Variants in CDH12 observed in about 807,000 individuals in gnomAD.
CDH12 encodes the protein cadherin 12.
CDH12 carries 41 observed loss-of-function variants against 74.1 expected under a neutral mutation model. The ratio of observed to expected loss-of-function variants is 0.55; its 90% CI spans 0.43 to 0.72. The LOEUF is 0.72. Among genes scored for constraint, CDH12 ranks in the 30% least tolerant of loss-of-function variants. The probability of loss-of-function intolerance (pLI) is 0.00; values close to 1 mark genes in which losing one functional copy is unlikely to be tolerated. For synonymous variants in CDH12, 399 were observed against 355.0 expected (o/e 1.12, Z -1.39); for missense variants, 945 against 977.2 (o/e 0.97, Z 0.44).
intron 1 of CDH12, among the ~76,000 whole-genome samples, chr5:22,800,419 C>T (rs1255414556): frequency 1.3e-5 from 2 of 152,072 alleles, no homozygotes; most frequent in African/African-American, 4.8e-5. Context: ...TTTAGGTTCA[C>T]AGCAAAATTG....
chr5:22,163,607 T>G (rs1270445906), intron 4 of CDH12, among the ~76,000 whole-genome samples: 1 of 152,198 alleles, frequency 6.6e-6, no homozygotes, highest in East Asian at 1.9e-4. Context: ...ATTCATAATT[T>G]GAACATTTTC....
At chr5:22,382,001 A>T (rs1173790168) in intron 3 of CDH12, among the ~76,000 whole-genome samples, 1 of 148,780 alleles carries the variant, frequency 6.7e-6, no homozygotes, top group Non-Finnish European at 1.5e-5. Context: ...TTTGAGATTG[A>T]GTCCCTTTAT....
intron 6 of CDH12, among the ~76,000 whole-genome samples, chr5:21,949,382 G>A (rs1340158416): frequency 4.6e-5 from 7 of 150,744 alleles, no homozygotes; most frequent in Admixed American, 2.0e-4. Flanking sequence ...CCCAGGAGGC[G>A]GAGCTTGCAG....
At chr5:22,669,281 G>C (rs1740783494) in intron 1 of CDH12, among the ~76,000 whole-genome samples, 1 of 152,124 alleles carries the variant, frequency 6.6e-6, no homozygotes. Flanking sequence ...TTTCTCATTT[G>C]AAGCTGAAGG....
chr5:22,467,763 C>G (rs565008096), intron 2 of CDH12, among the ~76,000 whole-genome samples: 1 of 152,150 alleles, frequency 6.6e-6, no homozygotes, highest in East Asian at 1.9e-4. Context: ...TCTGTGTAAC[C>G]AGTTTCACCC....
Position 22,387,476 on chromosome 5 carries a change from A to C in CDH12, c.-333+17781T>G, listed in dbSNP as rs545155759. ...ACCTGTCCCTATCCACCTTTGTTAGAGTGGCTTTGACTGAAAACAGGTCAC... is the reference window on the plus strand; with the variant it reads ...ACCTGTCCCTATCCACCTTTGTTAGCGTGGCTTTGACTGAAAACAGGTCAC... On this transcript the variant is annotated intron_variant, in intron 3 of 14. Coordinates refer to ENST00000382254, the MANE Select transcript of CDH12 (RefSeq NM_004061.5). 2.6e-5 allele frequency among the ~76,000 whole-genome samples: 4 copies of C among 152,208 alleles called. No individual in the cohort carries two copies. In the East Asian group the frequency reaches 7.7e-4, roughly 29 times the overall value.
intron 1 of CDH12, among the ~76,000 whole-genome samples, chr5:22,693,911 T>C (rs1047697761): frequency 6.6e-6 from 1 of 152,044 alleles, no homozygotes; most frequent in African/African-American, 2.4e-5. Context: ...TTTAGTTATT[T>C]CATCAATTTA....
intron 3 of CDH12, among the ~76,000 whole-genome samples, chr5:22,216,202 C>A (rs1341157481): frequency 6.6e-6 from 1 of 151,960 alleles, no homozygotes; most frequent in Non-Finnish European, 1.5e-5. Context: ...TCTTCATTTA[C>A]TTAGGTTTGT....
chr5:21,938,428 C>G (rs1357065123), intron 6 of CDH12, among the ~76,000 whole-genome samples: 1 of 149,398 alleles, frequency 6.7e-6, no homozygotes, highest in African/African-American at 2.5e-5. Flanking sequence ...CACAGCTGTT[C>G]CCTTGTGATA....
intron 1 of CDH12, among the ~76,000 whole-genome samples, chr5:22,583,975 T>G (rs1740239313): frequency 6.6e-6 from 1 of 152,130 alleles, no homozygotes; most frequent in Admixed American, 6.5e-5. Flanking sequence ...TCTTAGTATT[T>G]ACTTTTTCCC....
intron 3 of CDH12, among the ~76,000 whole-genome samples, chr5:22,291,609 C>G (rs1454514283): frequency 6.6e-6 from 1 of 151,996 alleles, no homozygotes; most frequent in Non-Finnish European, 1.5e-5. Context: ...TTTACACTAG[C>G]TATAAAAACA....
intron 1 of CDH12, among the ~76,000 whole-genome samples, chr5:22,815,052 G>T (rs1264827697): frequency 6.6e-6 from 1 of 152,170 alleles, no homozygotes; most frequent in Non-Finnish European, 1.5e-5. Context: ...TGGCATAGAA[G>T]AGAGGGTTCA....
chr5:22,251,575 G>T (rs1175552238), intron 3 of CDH12, among the ~76,000 whole-genome samples: 4 of 152,158 alleles, frequency 2.6e-5, no homozygotes, highest in Admixed American at 6.5e-5. Context: ...GTAAAGCAGG[G>T]ATGATAAAAA....
At chr5:22,588,991 G>A (rs1314444549) in intron 1 of CDH12, among the ~76,000 whole-genome samples, 1 of 152,088 alleles carries the variant, frequency 6.6e-6, no homozygotes, top group African/African-American at 2.4e-5. Context: ...CCCTGTGTTA[G>A]ATTTGATTAT....
At chr5:21,882,609 T>C in intron 6 of CDH12, 2 of 1,602,838 alleles carry the variant, frequency 1.2e-6, no homozygotes, top group Non-Finnish European at 1.7e-6. Flanking sequence ...CCCACAGTCT[T>C]TCGCCAGATG....
chr5:22,304,238 C>G (rs1197845901), intron 3 of CDH12, among the ~76,000 whole-genome samples: 1 of 152,022 alleles, frequency 6.6e-6, no homozygotes, highest in Non-Finnish European at 1.5e-5. Flanking sequence ...AAGGCATAAA[C>G]CAAGACGCAT....
At chr5:21,921,833 C>T (rs564636742) in intron 6 of CDH12, among the ~76,000 whole-genome samples, 36 of 152,294 alleles carry the variant, frequency 2.4e-4, no homozygotes, top group African/African-American at 8.4e-4. Context: ...CTGTTCAAAA[C>T]GTTTTTCTGT....
intron 1 of CDH12, among the ~76,000 whole-genome samples, chr5:22,639,554 G>C (rs1212827055): frequency 6.6e-6 from 1 of 151,336 alleles, no homozygotes; most frequent in African/African-American, 2.4e-5. Flanking sequence ...AACTGAATTG[G>C]AACCAAGAGG....
chr5:22,028,844 C>A (rs750565909), intron 5 of CDH12, among the ~76,000 whole-genome samples: 1 of 152,148 alleles, frequency 6.6e-6, no homozygotes, highest in African/African-American at 2.4e-5. Context: ...AGGCATCACG[C>A]TACCTCACTT....
Sources: allele counts gnomAD v4.1 joint callset (sites outside exome capture counted in the v4.1 genomes callset), GRCh38; gene constraint gnomAD v4.1.1; transcripts MANE v1.5; gene names NCBI Gene and HGNC (gene_info 2026-07-23, HGNC 2026-07-21).